The following AOAH variants were observed in gnomAD, a reference collection of about 807,000 sequenced individuals.
AOAH encodes the protein acyloxyacyl hydrolase, also known as acyloxyacyl hydrolase (neutrophil).
AOAH carries 64 observed loss-of-function variants against 92.2 expected under a neutral mutation model. That is an observed-to-expected ratio of 0.69 (90% CI 0.57 to 0.86). The LOEUF is 0.86. Ranked by LOEUF, AOAH falls within the 40% of genes least tolerant of loss-of-function variation. AOAH has a pLI of 0.00. For synonymous variants in AOAH, 263 were observed against 254.5 expected (o/e 1.03, Z -0.32); for missense variants, 656 against 694.6 (o/e 0.94, Z 0.62).
intron 6 of AOAH, among the ~76,000 whole-genome samples, chr7:36,623,957 C>T (rs1792460660): frequency 6.6e-6 from 1 of 152,170 alleles, no homozygotes; most frequent in South Asian, 2.1e-4. Context: ...AAACATAAGG[C>T]CGATTCACAC....
chr7:36,673,901 T>C, intron 3 of AOAH, 42 bp downstream of exon 3: 1 of 1,429,600 alleles, frequency 7.0e-7, no homozygotes, highest in South Asian at 1.2e-5. Flanking sequence ...TCCTCCCATG[T>C]CCCAGCAATG....
intron 5 of AOAH, among the ~76,000 whole-genome samples, chr7:36,635,972 GA>G (rs1451927802): frequency 2.0e-5 from 3 of 152,146 alleles, no homozygotes; most frequent in Non-Finnish European, 4.4e-5. Flanking sequence ...GCCTCATTGA[GA>G]TCCAGGCTTT....
intron 3 of AOAH, among the ~76,000 whole-genome samples, chr7:36,663,943 A>T (rs905004690): frequency 4.1e-4 from 63 of 152,166 alleles, no homozygotes; most frequent in African/African-American, 1.5e-3. Flanking sequence ...TTTAATTTGC[A>T]GTCCTCTAAC....
At chr7:36,581,239 C>G (rs1230584218) in intron 12 of AOAH, among the ~76,000 whole-genome samples, 2 of 152,232 alleles carry the variant, frequency 1.3e-5, no homozygotes, top group African/African-American at 4.8e-5. Flanking sequence ...TCCCTCCAAC[C>G]AGCTTAGGAT....
chr7:36,513,168 G>A lies in AOAH; in HGVS notation c.*84C>T, dbSNP rs1790140674. ...GAAGAGTCCTTTGGGCCTGTGACGT[G>A]GCAGCCCCCATAGGGTTTGTGGAAT... On this transcript the variant is annotated 3_prime_UTR_variant, in exon 21 of 21. Transcript: ENST00000617537. 2.5e-6 allele frequency: 4 copies of A among 1,613,670 alleles called. No homozygotes were observed. The highest frequency in any genetic ancestry group is 1.7e-5 in the Admixed American group (1 of 60,022).
intron 11 of AOAH, among the ~76,000 whole-genome samples, chr7:36,605,968 G>GCAT (rs1790971338): frequency 6.6e-6 from 1 of 152,226 alleles, no homozygotes; most frequent in African/African-American, 2.4e-5. Flanking sequence ...TCATCACCTA[G>GCAT]CATCTTTAAT....
intron 3 of AOAH, among the ~76,000 whole-genome samples, chr7:36,669,555 A>G (rs1172862727): frequency 1.3e-5 from 2 of 151,602 alleles, no homozygotes; most frequent in Admixed American, 1.3e-4. Context: ...GCTAATTTTT[A>G]TAGTTTTAGT....
At chr7:36,681,320 T>C (rs1562691125) in intron 2 of AOAH, among the ~76,000 whole-genome samples, 1 of 152,136 alleles carries the variant, frequency 6.6e-6, no homozygotes, top group East Asian at 1.9e-4. Flanking sequence ...ATAGAACTTA[T>C]ATGGTAAAGA....
At position 36,659,216 on chromosome 7, in the gene AOAH, A is replaced by G; in HGVS notation, c.340T>C (p.Cys114Arg). ...AATGGTTGGCCAGTGTTCTGTTTAC[A>G]AAACTCCAGAGTGTGACATACCACA... is the stretch of plus-strand genomic sequence containing the variant. ...ADVVCHTLEF[C>R]KQNTGQPLCH... is the part of the protein sequence containing the mutation. Residue 114 changes from cysteine (C) to arginine (R), a missense_variant, in exon 4 of 21, where the codon TGT becomes CGT. Physicochemically the swap from Cys to Arg is radical, Grantham distance 180 (BLOSUM62 -3). Coordinates refer to ENST00000617537, the MANE Select transcript of AOAH (RefSeq NM_001637.4). The G allele has an allele frequency of 1.2e-6, 2 of 1,614,146 alleles. No homozygotes were observed. Among genetic ancestry groups the G allele is most frequent in the Non-Finnish European group, 1.7e-6 (2 of 1,179,980 alleles).
chr7:36,634,906 G>T (rs1252532018), intron 5 of AOAH, among the ~76,000 whole-genome samples: 7 of 152,290 alleles, frequency 4.6e-5, no homozygotes, highest in South Asian at 2.1e-4. Flanking sequence ...TCAGCCTGAT[G>T]GCTGCAGCTG....
chr7:36,706,168 T>C (rs747199950), intron 1 of AOAH, among the ~76,000 whole-genome samples: 18 of 152,056 alleles, frequency 1.2e-4, no homozygotes, highest in Non-Finnish European at 2.4e-4. Context: ...AATTAAATAA[T>C]GTATTTCTTA....
chr7:36,580,617 T>G (rs1418816169), intron 12 of AOAH, among the ~76,000 whole-genome samples: 2 of 152,218 alleles, frequency 1.3e-5, no homozygotes, highest in African/African-American at 4.8e-5. Context: ...TTCTTTCATG[T>G]TTGAGGTTTC....
intron 1 of AOAH, 73 bp from the exon 2 acceptor site, chr7:36,686,867 G>A (rs1797055246): frequency 5.5e-6 from 5 of 914,708 alleles, no homozygotes; most frequent in East Asian, 6.1e-5. Flanking sequence ...AGAAAGAAAG[G>A]ATGCGTGTGT....
At chr7:36,568,524 G>A (rs1333008917) in intron 13 of AOAH, among the ~76,000 whole-genome samples, 1 of 152,090 alleles carries the variant, frequency 6.6e-6, no homozygotes, top group East Asian at 1.9e-4. Context: ...TTTCTCCTGT[G>A]GTTCATTCTC....
chr7:36,628,076 C>G (rs914473130), intron 6 of AOAH, among the ~76,000 whole-genome samples: 3 of 152,058 alleles, frequency 2.0e-5, no homozygotes, highest in African/African-American at 7.2e-5. Flanking sequence ...TGGAAGGGCA[C>G]ACCTGCCTAT....
At chr7:36,560,674 G>A (rs1241052539) in intron 13 of AOAH, among the ~76,000 whole-genome samples, 1 of 152,166 alleles carries the variant, frequency 6.6e-6, no homozygotes, top group African/African-American at 2.4e-5. Flanking sequence ...TCATATTGTA[G>A]TGAAGAGAGA....
intron 2 of AOAH, among the ~76,000 whole-genome samples, chr7:36,675,743 A>G (rs895886350): frequency 1.3e-5 from 2 of 152,234 alleles, no homozygotes; most frequent in African/African-American, 4.8e-5. Flanking sequence ...AAAGATCCTC[A>G]ACAAAATACT....
At chr7:36,591,490 A>G (rs9690630) in intron 12 of AOAH, among the ~76,000 whole-genome samples, 36,202 of 152,054 alleles carry the variant, frequency 0.24, 5,313 homozygotes, top group African/African-American at 0.41. Context: ...ATGGTGTCAG[A>G]ATTTCTCTGC....
At chr7:36,710,650 C>A (rs1052104809) in intron 1 of AOAH, among the ~76,000 whole-genome samples, 1 of 152,180 alleles carries the variant, frequency 6.6e-6, no homozygotes, top group African/African-American at 2.4e-5. Context: ...TATCACGGAG[C>A]AATAGAAAGC....
Sources: allele counts gnomAD v4.1 joint callset (sites outside exome capture counted in the v4.1 genomes callset), GRCh38; gene constraint gnomAD v4.1.1; transcripts MANE v1.5; gene names NCBI Gene and HGNC (gene_info 2026-07-23, HGNC 2026-07-21).